Variants in HPSE2 observed in about 807,000 individuals in gnomAD.
HPSE2 encodes the protein inactive heparanase-2.
In HPSE2, 38 loss-of-function variants were observed where a neutral mutation model predicts 60.5. The ratio of observed to expected loss-of-function variants is 0.63; its 90% confidence interval spans 0.48 to 0.82. The LOEUF (loss-of-function observed/expected upper bound fraction) is 0.82. Among genes scored for constraint, HPSE2 ranks in the 40% least tolerant of loss-of-function variants. HPSE2 has a pLI of 0.00. For synonymous variants in HPSE2, 295 were observed against 293.2 expected, an observed-to-expected ratio of 1.01 and a Z score of -0.06; for missense variants, 713 against 740.4, an observed-to-expected ratio of 0.96 and a Z score of 0.43.
At chr10:99,146,440 AAG>A (rs1846056062) in intron 2 of HPSE2, among the ~76,000 whole-genome samples, 1 of 152,228 alleles carries the variant, frequency 6.6e-6, no homozygotes, top group African/African-American at 2.4e-5. Flanking sequence ...GCCAGATTAA[AAG>A]AGAGAGCCTC....
intron 2 of HPSE2, among the ~76,000 whole-genome samples, chr10:99,219,849 C>CT (rs1166584312): frequency 1.3e-5 from 2 of 152,180 alleles, no homozygotes; most frequent in African/African-American, 4.8e-5. Context: ...CTTCTTTAGT[C>CT]TGTTTCTAAC....
At chr10:99,268,981 C>T in the HPSE2 span, among the ~76,000 whole-genome samples, 1 of 151,866 alleles carries the variant, frequency 6.6e-6, no homozygotes, top group Non-Finnish European at 1.5e-5. Flanking sequence ...CATGATGAAA[C>T]CCCATCTCAA....
chr10:99,131,286 A>G (rs1845374865), intron 3 of HPSE2, among the ~76,000 whole-genome samples: 1 of 152,192 alleles, frequency 6.6e-6, no homozygotes, highest in Non-Finnish European at 1.5e-5. Flanking sequence ...AAGATTCCTT[A>G]AAGAACTAAA....
chr10:98,690,384 C>CA, intron 6 of HPSE2, among the ~76,000 whole-genome samples: 1 of 151,972 alleles, frequency 6.6e-6, no homozygotes, highest in African/African-American at 2.4e-5. Context: ...AATAAACATG[C>CA]AAAAAAATTA....
In HPSE2 at chr10:99,024,373, G is replaced by A. The variant is rs989004122; in HGVS notation, c.610+119865C>T. Among the ~76,000 whole-genome samples the A allele has an allele frequency of 5.3e-5, 8 of 152,100 alleles. No homozygotes were observed. In the South Asian group the frequency reaches 8.3e-4, roughly 16 times the overall value. On this transcript the variant is annotated intron_variant, in intron 3 of 11. Coordinates refer to ENST00000370552, the MANE Select transcript of HPSE2 (RefSeq NM_021828.5). ...TTATAAAATCGTATTTGCAACCCTC[G>A]GGGTATCCTCAAACCAAAAAACATG...
intron 3 of HPSE2, among the ~76,000 whole-genome samples, chr10:98,928,938 T>A (rs1227340291): frequency 7.1e-6 from 1 of 140,774 alleles, no homozygotes; most frequent in Non-Finnish European, 1.5e-5. Flanking sequence ...TGTATACATA[T>A]GTAACTAACC....
chr10:99,148,805 C>T (rs1267228993), intron 2 of HPSE2, among the ~76,000 whole-genome samples: 1 of 151,740 alleles, frequency 6.6e-6, no homozygotes, highest in African/African-American at 2.4e-5. Context: ...ATCAATCAAT[C>T]AATCAATCAA....
chr10:98,609,891 G>A lies in HPSE2; in HGVS notation c.1320+5013C>T, dbSNP rs986268195. The stretch of plus-strand genomic sequence containing the variant: ...GAGTCTCACTCTGTCGCCCAGGCTG[G>A]AGTGCAGTGGCACGATCTCAGCTCA... On this transcript the variant is annotated intron_variant, in intron 9 of 11. Transcript: ENST00000370552. Among the ~76,000 whole-genome samples, 9 of 147,948 alleles carry A rather than the reference G, an allele frequency of 6.1e-5. No homozygotes were observed. The South Asian group carries it at 6.4e-4, about 11-fold the overall frequency.
chr10:98,956,300 G>A (rs1589424870), intron 3 of HPSE2, among the ~76,000 whole-genome samples: 3 of 152,060 alleles, frequency 2.0e-5, no homozygotes, highest in South Asian at 4.2e-4. Flanking sequence ...AACAAGCCAT[G>A]AAGAAGACAA....
chr10:99,117,514 T>G (rs998798581), intron 3 of HPSE2, among the ~76,000 whole-genome samples: 5 of 138,258 alleles, frequency 3.6e-5, no homozygotes, highest in Non-Finnish European at 7.8e-5. Flanking sequence ...ATAAACATCG[T>G]CAGAAACAAC....
chr10:99,060,030 A>G (rs1958199469), intron 3 of HPSE2, among the ~76,000 whole-genome samples: 1 of 151,974 alleles, frequency 6.6e-6, no homozygotes, highest in Admixed American at 6.6e-5. Context: ...GCAATAATAT[A>G]ATACAACATC....
intron 4 of HPSE2, among the ~76,000 whole-genome samples, chr10:98,722,562 C>A (rs1039278341): frequency 5.9e-5 from 9 of 152,058 alleles, no homozygotes; most frequent in African/African-American, 1.9e-4. Flanking sequence ...GAAGTGAAAT[C>A]TTCATAAAGA....
At chr10:99,283,624 A>G in the HPSE2 span, among the ~76,000 whole-genome samples, 1 of 152,164 alleles carries the variant, frequency 6.6e-6, no homozygotes. Context: ...CTAAGATAAA[A>G]AAAGAGAGAA....
intron 3 of HPSE2, among the ~76,000 whole-genome samples, chr10:98,938,414 G>A (rs970116378): frequency 1.4e-5 from 2 of 144,428 alleles, no homozygotes; most frequent in African/African-American, 2.8e-5. Flanking sequence ...GGAGCTGAAA[G>A]CCAAGGCTCG....
At chr10:99,097,217 G>C (rs1843749238) in intron 3 of HPSE2, among the ~76,000 whole-genome samples, 1 of 151,954 alleles carries the variant, frequency 6.6e-6, no homozygotes, top group African/African-American at 2.4e-5. Context: ...CTTCAAATAG[G>C]GGACAGAGAC....
chr10:99,203,985 A>G (rs1485501418), intron 2 of HPSE2, among the ~76,000 whole-genome samples: 1 of 152,042 alleles, frequency 6.6e-6, no homozygotes, highest in Non-Finnish European at 1.5e-5. Flanking sequence ...GCCAGCACTT[A>G]TAGACACAGA....
At chr10:98,630,524 C>T (rs1259046490) in intron 7 of HPSE2, among the ~76,000 whole-genome samples, 2 of 152,024 alleles carry the variant, frequency 1.3e-5, no homozygotes, top group African/African-American at 4.8e-5. Context: ...GATTACCTTT[C>T]CCCTGCTCAC....
chr10:98,511,257 T>C (rs1942384106), intron 9 of HPSE2, among the ~76,000 whole-genome samples: 1 of 152,026 alleles, frequency 6.6e-6, no homozygotes. Context: ...TTCAAGCGAT[T>C]CTCTTGCCTT....
At chr10:98,889,842 G>C (rs1002477556) in intron 3 of HPSE2, among the ~76,000 whole-genome samples, 17 of 151,984 alleles carry the variant, frequency 1.1e-4, no homozygotes, top group Non-Finnish European at 2.9e-5. Context: ...ACGGAGGATG[G>C]GGGGGATGCA....
Sources: gnomAD v4.1 joint callset for allele counts (sites outside exome capture counted in the v4.1 genomes callset) on GRCh38, gnomAD v4.1.1 for gene constraint, MANE v1.5 for transcripts, NCBI Gene and HGNC (gene_info 2026-07-23, HGNC 2026-07-21) for gene names.